The following CDC42EP3 variants were observed in gnomAD, a reference collection of about 807,000 sequenced individuals.
The protein encoded by CDC42EP3 is CDC42 effector protein (Rho GTPase binding) 3.
A neutral mutation model predicts 15.5 loss-of-function variants in CDC42EP3; 4 were observed. The ratio of observed to expected loss-of-function variants is 0.26; its 90% confidence interval spans 0.13 to 0.59. The LOEUF is 0.59. Ranked by LOEUF, CDC42EP3 falls within the 20% of genes least tolerant of loss-of-function variation. The pLI is 0.89. For missense variants in CDC42EP3, 309 were observed against 311.2 expected (o/e 0.99, Z 0.05); for synonymous variants, 145 against 130.3 (o/e 1.11, Z -0.77).
chr2:37,663,170 A>G (rs886187979), intron 1 of CDC42EP3, among the ~76,000 whole-genome samples: 117 of 122,384 alleles, frequency 9.6e-4, no homozygotes, highest in Non-Finnish European at 1.1e-3. Flanking sequence ...CTCGGTCTCA[A>G]AAACAAAACA....
Position 37,643,757 on chromosome 2 carries a change from G to A in CDC42EP3, c.*2066C>T, listed in dbSNP as rs150140875. On this transcript the variant is annotated 3_prime_UTR_variant, in exon 2 of 2. Transcript: ENST00000295324. ...AATAATGAGATACATTGGACTCTTC[G>A]TCATTAACAAGATTTAGAATAGGCT... The A allele has an allele frequency of 1.4e-3, 214 of 152,286 alleles. No individual in the cohort carries two copies. The highest frequency in any genetic ancestry group is 4.9e-3 in the African/African-American group (202 of 41,556). 9.4% of individuals were successfully genotyped at this position (152,286 alleles called of 1,614,324 possible).
At position 37,646,397 on chromosome 2, in the gene CDC42EP3, T is replaced by C. The variant is rs780714738; in HGVS notation, c.191A>G (p.Glu64Gly). 1 of 1,614,072 alleles carries C rather than the reference T, an allele frequency of 6.2e-7. No individual in the cohort carries two copies. Among genetic ancestry groups the C allele is most frequent in the Non-Finnish European group, 8.5e-7 (1 of 1,179,982 alleles). ...TTTCTCCTGGTTTCCAGGTAAAAGCTCGTAGTTCCCTTGAAGAAAGGAAAT... is the reference window on the plus strand; with the variant it reads ...TTTCTCCTGGTTTCCAGGTAAAAGCCCGTAGTTCCCTTGAAGAAAGGAAAT... ...GDISFLQGNY[E>G]LLPGNQEKAH... The change falls in exon 2 of 2, where the codon GAG becomes GGG. Residue 64 changes from glutamate (E) to glycine (G), a missense_variant. Coordinates refer to ENST00000295324, the MANE Select transcript of CDC42EP3 (RefSeq NM_006449.5).
chr2:37,663,261 C>T (rs1239201586), intron 1 of CDC42EP3, among the ~76,000 whole-genome samples: 1 of 152,236 alleles, frequency 6.6e-6, no homozygotes, highest in Non-Finnish European at 1.5e-5. Context: ...TGTTCAACAA[C>T]AAACATCCAT....
At position 37,646,451 on chromosome 2, in the gene CDC42EP3, T is replaced by A. The variant is rs759415213; in HGVS notation, c.137A>T (p.Lys46Ile). The A allele has an allele frequency of 1.2e-6, 2 of 1,614,192 alleles. No individual in the cohort carries two copies. Among genetic ancestry groups the A allele is most frequent in the East Asian group, 4.5e-5 (2 of 44,890 alleles). ...TCCAAAGACATCGTGCTGGCCCTCT[T>A]TGCCAATGTGGATGGTGTGGCGAAA... ...GDFRHTIHIGKEGQHDVFGDI... is the reference protein window; with the variant it reads ...GDFRHTIHIGIEGQHDVFGDI... The change falls in exon 2 of 2, where the codon AAA (lysine) becomes ATA (isoleucine). Residue 46 changes from lysine (K) to isoleucine (I), a missense_variant. By Grantham distance (102) the Lys-to-Ile change is moderately radical. Coordinates refer to ENST00000295324, the MANE Select transcript of CDC42EP3 (RefSeq NM_006449.5).
rs139325204 is a variant in CDC42EP3, at chr2:37,646,208, G to A, written c.380C>T (p.Thr127Ile). ...GAAGGACTCCTGTTTGGAATTAAAT[G>A]TCACTGGTGACAATAAGGGCAACAT... ...ALMLPLLSPVTFNSKQESFGP... is the reference protein window; with the variant it reads ...ALMLPLLSPVIFNSKQESFGP... The change falls in exon 2 of 2, where the codon ACA becomes ATA. Residue 127 changes from threonine (T) to isoleucine (I), a missense_variant. Transcript: ENST00000295324. The A allele has an allele frequency of 2.5e-6, 4 of 1,614,074 alleles. No individual in the cohort carries two copies. In the African/African-American group the frequency reaches 5.3e-5, roughly 22 times the overall value.
At chr2:37,670,820 CAT>C (rs1666391026) in intron 1 of CDC42EP3, among the ~76,000 whole-genome samples, 2 of 152,124 alleles carry the variant, frequency 1.3e-5, no homozygotes, top group African/African-American at 4.8e-5. Context: ...TTCATCCTCA[CAT>C]GTCTGATACT....
At position 37,646,354 on chromosome 2, in the gene CDC42EP3, G is replaced by A. The variant is rs1289264807; in HGVS notation, c.234C>T (p.Phe78=). The change falls in exon 2 of 2, where the codon TTC becomes TTT. Residue 78 remains phenylalanine (F), a synonymous_variant. Coordinates refer to ENST00000295324, the MANE Select transcript of CDC42EP3 (RefSeq NM_006449.5). The part of the protein sequence containing the change: ...GNQEKAHLGQ[F]PGHNEFFRAN... ...CCCGGAAGAACTCATTATGCCCAGGGAACTGGCCCAGGTGTGCTTTCTCCT... is the reference window on the plus strand; with the variant it reads ...CCCGGAAGAACTCATTATGCCCAGGAAACTGGCCCAGGTGTGCTTTCTCCT... The A allele has an allele frequency of 1.9e-6, 3 of 1,613,914 alleles. No individual in the cohort carries two copies. In the Admixed American group the frequency reaches 5.0e-5, roughly 27 times the overall value.
intron 1 of CDC42EP3, among the ~76,000 whole-genome samples, chr2:37,668,478 C>A (rs77887044): frequency 0.016 from 2,393 of 152,266 alleles, 72 homozygotes; most frequent in African/African-American, 0.054. Context: ...AGGTAACTTG[C>A]CCAAAGTCAC....
intron 1 of CDC42EP3, among the ~76,000 whole-genome samples, chr2:37,647,959 T>A (rs1665529626): frequency 6.6e-6 from 1 of 152,204 alleles, no homozygotes; most frequent in Admixed American, 6.5e-5. Context: ...CTCAGGGAGA[T>A]GCTGGAACTC....
intron 1 of CDC42EP3, among the ~76,000 whole-genome samples, chr2:37,662,992 C>T (rs1011337269): frequency 1.3e-5 from 2 of 152,186 alleles, no homozygotes; most frequent in African/African-American, 2.4e-5. Flanking sequence ...CGGTGAAAGC[C>T]AGTCTCTACT....
intron 1 of CDC42EP3, among the ~76,000 whole-genome samples, chr2:37,651,861 C>T (rs1346108021): frequency 6.6e-6 from 1 of 152,158 alleles, no homozygotes; most frequent in Non-Finnish European, 1.5e-5. Flanking sequence ...CTTGAAATCC[C>T]ATCCCTCCTC....
intron 1 of CDC42EP3, among the ~76,000 whole-genome samples, chr2:37,667,108 C>T (rs1666272638): frequency 6.6e-6 from 1 of 151,948 alleles, no homozygotes; most frequent in Non-Finnish European, 1.5e-5. Context: ...CAAGGCAGGC[C>T]CTGTGGGTTT....
At position 37,644,504 on chromosome 2, in the gene CDC42EP3, G is replaced by A. The variant is rs577475042; in HGVS notation, c.*1319C>T. 6 of 151,916 alleles carry A rather than the reference G, an allele frequency of 3.9e-5. No homozygotes were observed. In the East Asian group the frequency reaches 1.2e-3, roughly 29 times the overall value. The allele number at this position is 151,916 out of a possible 1,614,324, so 9.4% of individuals were successfully genotyped here. A position where few individuals can be genotyped will look rare whatever the true frequency, so the allele number is the denominator to read the frequency against. ...ATCTCGTCTATATGGCACTTTCTGC[G>A]TGAAAAGACATTTGCCTTACAGGGA... On this transcript the variant is annotated 3_prime_UTR_variant, in exon 2 of 2. Coordinates refer to ENST00000295324, the MANE Select transcript of CDC42EP3 (RefSeq NM_006449.5).
At chr2:37,653,198 G>T (rs1558338919) in intron 1 of CDC42EP3, among the ~76,000 whole-genome samples, 1 of 152,164 alleles carries the variant, frequency 6.6e-6, no homozygotes, top group Non-Finnish European at 1.5e-5. Flanking sequence ...CAGTCATGTG[G>T]CAGGTCAGAG....
Position 37,657,001 on chromosome 2 carries a change from C to CCG in CDC42EP3, c.-235-10180_-235-10179insCG, listed in dbSNP as rs1553317252. On this transcript the variant is annotated intron_variant, in intron 1 of 1. Transcript: ENST00000295324. ...AAAGCCCCCCCCCCACCCCCCGCCCCCCGCCATCCTCGAGGAGAAAAACAA... is the reference window on the plus strand; with the variant it reads ...AAAGCCCCCCCCCCACCCCCCGCCCCCGCCGCCATCCTCGAGGAGAAAAACAA... Among the ~76,000 whole-genome samples the CCG allele has an allele frequency of 6.0e-3, 621 of 103,122 alleles. 10 individuals carry two copies. The highest frequency in any genetic ancestry group is 0.021 in the African/African-American group (485 of 23,356). The allele number at this position is 103,122 out of a possible 152,430, so 67.7% of individuals were successfully genotyped here.
In CDC42EP3 at chr2:37,643,719, A is replaced by C. The variant is rs971695960; in HGVS notation, c.*2104T>G. 1 of 151,884 alleles carries C rather than the reference A, an allele frequency of 6.6e-6. No homozygotes were observed. Among genetic ancestry groups the C allele is most frequent in the African/African-American group, 2.4e-5 (1 of 41,120 alleles). 9.4% of individuals were successfully genotyped at this position (151,884 alleles called of 1,614,324 possible). A position where few individuals can be genotyped will look rare whatever the true frequency, so the allele number is the denominator to read the frequency against. On this transcript the variant is annotated 3_prime_UTR_variant, in exon 2 of 2. Transcript: ENST00000295324. ...GGGGGGGAGGTATTGAAAAGAGTCT[A>C]AAATTGGCTACAAATAATGAGATAC...
At chr2:37,661,429 A>G (rs1666053511) in intron 1 of CDC42EP3, among the ~76,000 whole-genome samples, 1 of 152,202 alleles carries the variant, frequency 6.6e-6, no homozygotes, top group Non-Finnish European at 1.5e-5. Context: ...CAGGAGATGC[A>G]CTTATCAAAT....
At chr2:37,671,734 G>A (rs1666430810), upstream of CDC42EP3, 1 of 151,150 alleles carries the variant, frequency 6.6e-6, no homozygotes, top group African/African-American at 2.4e-5. Context: ...CTGGGGCGGG[G>A]CGGAGGGCGC....
intron 1 of CDC42EP3, among the ~76,000 whole-genome samples, chr2:37,661,332 T>C (rs1372375450): frequency 2.6e-5 from 4 of 152,194 alleles, no homozygotes; most frequent in Admixed American, 2.6e-4. Context: ...ATGACACAGT[T>C]GCTAGATGGG....
Sources: gnomAD v4.1 joint callset for allele counts (sites outside exome capture counted in the v4.1 genomes callset) on GRCh38, gnomAD v4.1.1 for gene constraint, MANE v1.5 for transcripts, NCBI Gene and HGNC (gene_info 2026-07-23, HGNC 2026-07-21) for gene names.